Variants in MED8 observed in about 807,000 individuals in gnomAD.
The protein encoded by MED8 is mediator complex subunit 8, also known as mediator of RNA polymerase II transcription subunit 8.
A neutral mutation model predicts 34.8 loss-of-function variants in MED8; 22 were observed. That is an observed-to-expected ratio of 0.63 (90% CI 0.45 to 0.90). The LOEUF (loss-of-function observed/expected upper bound fraction) is 0.90. Among genes scored for constraint, MED8 ranks in the 40% least tolerant of loss-of-function variants. The pLI is 0.00. For missense variants in MED8, 260 were observed against 326.3 expected, an observed-to-expected ratio of 0.80 and a Z score of 1.57; for synonymous variants, 105 against 120.2, an observed-to-expected ratio of 0.87 and a Z score of 0.83.
rs1369818106 is a variant in MED8 at position 43,386,762 on chromosome 1, G to A, written c.412-92C>T. The A allele has an allele frequency of 8.1e-6, 13 of 1,595,540 alleles. No homozygotes were observed. Among genetic ancestry groups the A allele is most frequent in the Admixed American group, 1.8e-5 (1 of 56,794 alleles). ...GGGTTCTGCCAGAAGCAACTTAGGCGCAACCAACTATGTATCCCTACTAGA... is the reference window on the plus strand; with the variant it reads ...GGGTTCTGCCAGAAGCAACTTAGGCACAACCAACTATGTATCCCTACTAGA... On this transcript the variant is annotated intron_variant, in intron 4 of 6. Coordinates refer to ENST00000372457, the MANE Select transcript of MED8 (RefSeq NM_201542.5). The surrounding 1 kb of genome is among the most constrained non-coding windows in gnomAD (Gnocchi z 4.9).
At chr1:43,388,220 A>C in intron 2 of MED8, 90 bp downstream of exon 2, 1 of 1,266,006 alleles carries the variant, frequency 7.9e-7, no homozygotes, top group Non-Finnish European at 1.1e-6. Context: ...CAAACTGATA[A>C]ATGGTTACAT....
At chr1:43,385,610 T>C in intron 6 of MED8, 1 of 283,510 alleles carries the variant, frequency 3.5e-6, no homozygotes, top group Non-Finnish European at 6.8e-6. Context: ...GGCCTGCGTG[T>C]CAATTCCTGA....
At position 43,384,310 on chromosome 1, in the gene MED8, T is replaced by C. The variant is rs374889992; in HGVS notation, c.*732A>G. 2.8e-5 allele frequency: 31 copies of C among 1,092,530 alleles called. No homozygotes were observed. The African/African-American group carries it at 3.4e-4, about 12-fold the overall frequency. 67.7% of individuals were successfully genotyped at this position (1,092,530 alleles called of 1,614,324 possible). A position where few individuals can be genotyped will look rare whatever the true frequency, so the allele number is the denominator to read the frequency against. Reference sequence around the variant, plus strand: ...TGCTAAGGAAAAACCCTTTCCCACATAGTCCTGCCTGGCAGAGCCACTTCC... The same window carrying C: ...TGCTAAGGAAAAACCCTTTCCCACACAGTCCTGCCTGGCAGAGCCACTTCC... On this transcript the variant is annotated 3_prime_UTR_variant, in exon 7 of 7. Coordinates refer to ENST00000372457, the MANE Select transcript of MED8 (RefSeq NM_201542.5).
Position 43,387,548 on chromosome 1 carries a change from G to A in MED8, c.225C>T (p.Val75=). The change falls in exon 3 of 7, where the codon GTC becomes GTT. Residue 75 remains valine (V), a synonymous_variant. Coordinates refer to ENST00000372457, the MANE Select transcript of MED8 (RefSeq NM_201542.5). ...CTGGAGACAACACCAGAGGAATGAT[G>A]ACCTGGTTACGGAACAGCGGTGTTT... ...HEKTPLFRNQ[V]IIPLVLSPDR... 1 of 1,614,018 alleles carries A rather than the reference G, an allele frequency of 6.2e-7. No homozygotes were observed. Among genetic ancestry groups the A allele is most frequent in the Non-Finnish European group, 8.5e-7 (1 of 1,179,892 alleles).
Position 43,384,414 on chromosome 1 carries a change from C to T in MED8, c.*628G>A. On this transcript the variant is annotated 3_prime_UTR_variant, in exon 7 of 7. Transcript: ENST00000372457. The stretch of plus-strand genomic sequence containing the variant: ...ATTTGACAGGTAAAAGCCAAGTTGG[C>T]TCCTTAGAGGATGGAAAGGAGAGCA... 6.4e-7 allele frequency: 1 copy of T among 1,557,094 alleles called. No homozygotes were observed. The highest frequency in any genetic ancestry group is 8.7e-7 in the Non-Finnish European group (1 of 1,152,514).
intron 2 of MED8, 37 bp from the exon 3 acceptor site, chr1:43,387,684 C>G: frequency 6.2e-7 from 1 of 1,610,566 alleles, no homozygotes; most frequent in Non-Finnish European, 8.5e-7. Flanking sequence ...TGTTGTACCC[C>G]TTCCCTGGGT....
At chr1:43,388,672 C>T in intron 1 of MED8, 2 of 510,046 alleles carry the variant, frequency 3.9e-6, no homozygotes, top group Non-Finnish European at 7.0e-6. Flanking sequence ...TCCCCATCAC[C>T]TCCTAATCTA....
Position 43,386,354 on chromosome 1 carries a change from CCCAGAAAAAGAG to C in MED8, c.494-140_494-129del. 7.8e-7 allele frequency: 1 copy of C among 1,281,600 alleles called. No individual in the cohort carries two copies. Among genetic ancestry groups the C allele is most frequent in the Non-Finnish European group, 1.1e-6 (1 of 951,298 alleles). 79.4% of individuals were successfully genotyped at this position (1,281,600 alleles called of 1,614,324 possible). A position where few individuals can be genotyped will look rare whatever the true frequency, so the allele number is the denominator to read the frequency against. On this transcript the variant is annotated intron_variant, in intron 5 of 6. Transcript: ENST00000372457. This position sits in a 1 kb window ranked among gnomAD's most constrained non-coding sequence, Gnocchi z 4.9. ...CAGCAACATCTAGACTCCCTCACAG[CCCAGAAAAAGAG>C]CCAGAGGACCCCCAAGCCTATCTCA...
chr1:43,385,366 A>G, intron 6 of MED8: 1 of 444,272 alleles, frequency 2.3e-6, no homozygotes, highest in South Asian at 3.2e-5. Context: ...TGTGACTCCC[A>G]TTTAACGTCA....
At chr1:43,389,590 G>A (rs895276806) in intron 1 of MED8, among the ~76,000 whole-genome samples, 169 bp downstream of exon 1, 1 of 151,740 alleles carries the variant, frequency 6.6e-6, no homozygotes, top group Admixed American at 6.6e-5. Context: ...ACCTCTAATC[G>A]CCGCCGCTCC....
chr1:43,388,773 T>C (rs1647892790), intron 1 of MED8: 2 of 220,058 alleles, frequency 9.1e-6, no homozygotes, highest in South Asian at 1.4e-4. Flanking sequence ...TTCTCTCATG[T>C]GCACCTCTGT....
intron 3 of MED8, 139 bp downstream of exon 3, chr1:43,387,364 C>T: frequency 8.6e-7 from 1 of 1,156,188 alleles, no homozygotes; most frequent in Non-Finnish European, 1.2e-6. Flanking sequence ...GGGAGTGGCT[C>T]TCCCGCCTTC....
Position 43,388,398 on chromosome 1 carries a change from C to A in MED8, c.37G>T (p.Asp13Tyr). 1.2e-6 allele frequency: 2 copies of A among 1,613,600 alleles called. No homozygotes were observed. Among genetic ancestry groups the A allele is most frequent in the Non-Finnish European group, 1.7e-6 (2 of 1,179,886 alleles). The stretch of plus-strand genomic sequence containing the variant: ...TCAGCCACTTGACTCAGCAGTGCAT[C>A]TAATGATGCCTCAAGCTGCTTCTCC... ...REEKQLEASL[D>Y]ALLSQVADLK... is the part of the protein sequence containing the mutation. Residue 13 changes from aspartate to tyrosine, a missense_variant, in exon 2 of 7, where the codon GAT becomes TAT. Coordinates refer to ENST00000372457, the MANE Select transcript of MED8 (RefSeq NM_201542.5).
Position 43,384,587 on chromosome 1 carries a change from T to G in MED8, c.*455A>C. The G allele has an allele frequency of 1.3e-6, 2 of 1,567,892 alleles. No homozygotes were observed. Among genetic ancestry groups the G allele is most frequent in the Non-Finnish European group, 1.7e-6 (2 of 1,159,632 alleles). On this transcript the variant is annotated 3_prime_UTR_variant, in exon 7 of 7. Coordinates refer to ENST00000372457, the MANE Select transcript of MED8 (RefSeq NM_201542.5). ...CAGTGTGCCTCTAAGAACACAGAGG[T>G]TGCTACAGTTTCTGGCAGCACAAAA...
In MED8 at chr1:43,384,538, C is replaced by G. The variant is rs983653706; in HGVS notation, c.*504G>C. 2 of 1,610,452 alleles carry G rather than the reference C, an allele frequency of 1.2e-6. No homozygotes were observed. Among genetic ancestry groups the G allele is most frequent in the Non-Finnish European group, 1.7e-6 (2 of 1,178,408 alleles). Reference sequence around the variant, plus strand: ...CCTTAGAGGGATAGCCAGAATGAAACCCAGGCAGGAGGGCCTGCAAAAACA... The same window carrying G: ...CCTTAGAGGGATAGCCAGAATGAAAGCCAGGCAGGAGGGCCTGCAAAAACA... On this transcript the variant is annotated 3_prime_UTR_variant, in exon 7 of 7. Transcript: ENST00000372457.
chr1:43,386,704 A>T lies in MED8; in HGVS notation c.412-34T>A, dbSNP rs368862940. On this transcript the variant is annotated intron_variant, in intron 4 of 6. Transcript: ENST00000372457. The surrounding 1 kb of genome is among the most constrained non-coding windows in gnomAD (Gnocchi z 4.9). ...CACAAATTTGTGCAGAGATTAGGGT[A>T]ACTAGGAAACGATATGGAGAAATTT... 7 of 1,597,250 alleles carry T rather than the reference A, an allele frequency of 4.4e-6. No homozygotes were observed. Among genetic ancestry groups the T allele is most frequent in the Admixed American group, 1.8e-5 (1 of 56,694 alleles).
At chr1:43,388,579 T>C (rs1028541988) in intron 1 of MED8, 151 bp from the exon 2 acceptor site, 56 of 1,336,782 alleles carry the variant, frequency 4.2e-5, no homozygotes, top group Non-Finnish European at 5.1e-5. Flanking sequence ...CTATCTTTGG[T>C]ATTTGGGTTA....
At position 43,386,665 on chromosome 1, in the gene MED8, C is replaced by A; in HGVS notation, c.417G>T (p.Gln139His). 1 of 1,609,512 alleles carries A rather than the reference C, an allele frequency of 6.2e-7. No homozygotes were observed. The highest frequency in any genetic ancestry group is 8.5e-7 in the Non-Finnish European group (1 of 1,177,762). The change falls in exon 5 of 7, where the codon CAG becomes CAT. Residue 139 changes from glutamine to histidine, a missense_variant. By Grantham distance (24) the Gln-to-His change is conservative. Coordinates refer to ENST00000372457, the MANE Select transcript of MED8 (RefSeq NM_201542.5). The surrounding 1 kb of genome is among the most constrained non-coding windows in gnomAD (Gnocchi z 4.9). Reference sequence around the variant, plus strand: ...AACACATTTTATTCAAGCTCTGGATCTGCTTCTGTAACACACAAATTTGTG... The same window carrying A: ...AACACATTTTATTCAAGCTCTGGATATGCTTCTGTAACACACAAATTTGTG... ...ARIGADAAQK[Q>H]IQSLNKMCSN...
intron 2 of MED8, 118 bp from the exon 3 acceptor site, chr1:43,387,765 C>G: frequency 8.9e-7 from 1 of 1,122,642 alleles, no homozygotes; most frequent in South Asian, 1.4e-5. Flanking sequence ...AGTCTCATAG[C>G]CCTATGACTA....
Sources: allele counts gnomAD v4.1 joint callset (sites outside exome capture counted in the v4.1 genomes callset), GRCh38; gene constraint gnomAD v4.1.1; non-coding constraint Gnocchi (gnomAD v3.1); transcripts MANE v1.5; gene names NCBI Gene and HGNC (gene_info 2026-07-23, HGNC 2026-07-21).